The following PDE11A variants were observed in gnomAD, a reference collection of about 807,000 sequenced individuals.
PDE11A encodes the protein phosphodiesterase 11A, also known as dual 3',5'-cyclic-AMP and -GMP phosphodiesterase 11A.
Under a neutral mutation model 100.5 loss-of-function variants are expected in PDE11A, and 100 were observed. That is an observed-to-expected ratio of 1.00 (90% CI 0.85 to 1.18). The LOEUF (loss-of-function observed/expected upper bound fraction) is 1.18, where lower values mean the gene tolerates loss of function less well. Ranked by LOEUF, PDE11A falls within the 50% of genes most tolerant of loss-of-function variation. The probability of loss-of-function intolerance (pLI) is 0.00; values close to 1 mark genes in which losing one functional copy is unlikely to be tolerated. For synonymous variants in PDE11A, 381 were observed against 420.8 expected (o/e 0.91, Z 1.16); for missense variants, 1,141 against 1,152.6 (o/e 0.99, Z 0.15).
Position 177,945,161 on chromosome 2 carries a change from G to C in PDE11A, c.1072-39974C>G, listed in dbSNP as rs1010795348. Among the ~76,000 whole-genome samples, 68 of 151,184 alleles carry C rather than the reference G, an allele frequency of 4.5e-4. 1 individual carries two copies. Among genetic ancestry groups the C allele is most frequent in the African/African-American group, 1.6e-3 (66 of 41,288 alleles). On this transcript the variant is annotated intron_variant, in intron 2 of 19. Transcript: ENST00000286063. ...GGCTGGAGTGCAGTGGCGTGGTCTC[G>C]GCTCACTACAACCTACACCTCCCAG...
At chr2:177,951,960 G>A (rs1290360527) in intron 2 of PDE11A, among the ~76,000 whole-genome samples, 4 of 152,170 alleles carry the variant, frequency 2.6e-5, no homozygotes, top group Admixed American at 6.5e-5. Flanking sequence ...ACAACGTGCA[G>A]GTTTGTTACA....
At chr2:178,047,380 T>C (rs995631641) in intron 1 of PDE11A, among the ~76,000 whole-genome samples, 2 of 151,784 alleles carry the variant, frequency 1.3e-5, no homozygotes, top group Non-Finnish European at 2.9e-5. Flanking sequence ...GGAGAATAGC[T>C]TGAACCCAGG....
At chr2:177,966,566 G>A (rs978879436) in intron 2 of PDE11A, among the ~76,000 whole-genome samples, 1 of 151,870 alleles carries the variant, frequency 6.6e-6, no homozygotes, top group Admixed American at 6.6e-5. Context: ...TTAACATGAA[G>A]AGATGTTCAA....
chr2:177,808,279 G>A (rs1408324441), intron 9 of PDE11A, among the ~76,000 whole-genome samples: 1 of 152,082 alleles, frequency 6.6e-6, no homozygotes, highest in Non-Finnish European at 1.5e-5. Context: ...TTGACAGCTT[G>A]GTATTCCTTG....
chr2:177,834,623 T>A (rs943494890), intron 6 of PDE11A, among the ~76,000 whole-genome samples: 1 of 152,124 alleles, frequency 6.6e-6, no homozygotes, highest in African/African-American at 2.4e-5. Flanking sequence ...ACCCACGCAG[T>A]CTTCCCTTCC....
chr2:177,708,901 G>A (rs16865709), intron 13 of PDE11A, among the ~76,000 whole-genome samples: 13,769 of 152,258 alleles, frequency 0.09, 2,076 homozygotes, highest in African/African-American at 0.31. Flanking sequence ...GGCACAACCA[G>A]GGCATAGGAA....
At chr2:177,900,509 A>G (rs944769696) in intron 3 of PDE11A, among the ~76,000 whole-genome samples, 1 of 152,254 alleles carries the variant, frequency 6.6e-6, no homozygotes, top group Non-Finnish European at 1.5e-5. Context: ...TAATCCCAGC[A>G]CTTTGGGAGG....
chr2:177,776,958 C>T (rs565745145), intron 9 of PDE11A, among the ~76,000 whole-genome samples: 2 of 152,116 alleles, frequency 1.3e-5, no homozygotes, highest in South Asian at 2.1e-4. Flanking sequence ...ATAGTGAGTC[C>T]TCATGAGATC....
intron 17 of PDE11A, among the ~76,000 whole-genome samples, chr2:177,674,854 C>T (rs1426527019): frequency 2.6e-5 from 4 of 152,136 alleles, no homozygotes; most frequent in African/African-American, 4.8e-5. Context: ...ATAAAACGCA[C>T]ATAACGATTA....
chr2:177,993,936 A>ATTT lies in PDE11A; in HGVS notation c.1071+20363_1071+20365dup, dbSNP rs10622468. On this transcript the variant is annotated intron_variant, in intron 2 of 19. Transcript: ENST00000286063. The stretch of plus-strand genomic sequence containing the variant: ...TGAAGATTAGACTCCGCAAATGTAA[A>ATTT]TTTTTTTTTTTTTTTTTGAGGCAGA... Among the ~76,000 whole-genome samples, 795 of 141,010 alleles carry ATTT rather than the reference A, an allele frequency of 5.6e-3. 17 individuals are homozygous for ATTT. Among genetic ancestry groups the ATTT allele is most frequent in the Non-Finnish European group, 7.3e-3 (478 of 65,920 alleles). 92.5% of individuals were successfully genotyped at this position (141,010 alleles called of 152,430 possible).
chr2:177,637,778 G>GCTCTGCTCATTTCT (rs1449802946), intron 19 of PDE11A, among the ~76,000 whole-genome samples: 2 of 150,626 alleles, frequency 1.3e-5, no homozygotes, highest in Non-Finnish European at 3.0e-5. Context: ...CTCAAATGAT[G>GCTCTGCTCATTTCT]CTCTGCTCAT....
intron 1 of PDE11A, among the ~76,000 whole-genome samples, chr2:178,106,525 A>G (rs2087619713): frequency 6.6e-6 from 1 of 152,224 alleles, no homozygotes; most frequent in Non-Finnish European, 1.5e-5. Flanking sequence ...CAGACCATAG[A>G]GGATAAAACT....
intron 10 of PDE11A, among the ~76,000 whole-genome samples, chr2:177,752,370 G>A: frequency 6.6e-6 from 1 of 152,162 alleles, no homozygotes; most frequent in African/African-American, 2.4e-5. Context: ...GATTAGACCT[G>A]GATTTAAATC....
intron 2 of PDE11A, among the ~76,000 whole-genome samples, chr2:177,994,080 A>G (rs368906930): frequency 3.9e-4 from 59 of 151,696 alleles, no homozygotes; most frequent in Middle Eastern, 3.4e-3. Context: ...ACAGGCACCC[A>G]CCACCACATC....
intron 9 of PDE11A, among the ~76,000 whole-genome samples, chr2:177,780,310 T>G (rs887576129): frequency 2.0e-5 from 3 of 152,272 alleles, no homozygotes; most frequent in Middle Eastern, 6.8e-3. Flanking sequence ...GGTCTTGAAA[T>G]CCTGACCTCA....
At chr2:177,819,856 C>T (rs939147033) in intron 7 of PDE11A, among the ~76,000 whole-genome samples, 34 of 73,094 alleles carry the variant, frequency 4.7e-4, no homozygotes, top group Non-Finnish European at 8.8e-4. Context: ...TTCTCTTTCT[C>T]TCTTTCTCTC....
chr2:177,689,929 A>G (rs1240669854), intron 15 of PDE11A, among the ~76,000 whole-genome samples: 1 of 152,116 alleles, frequency 6.6e-6, no homozygotes, highest in Non-Finnish European at 1.5e-5. Context: ...TCCTGCATTC[A>G]CTTCCACACA....
At chr2:178,001,558 T>C (rs551574180) in intron 2 of PDE11A, among the ~76,000 whole-genome samples, 35 of 152,292 alleles carry the variant, frequency 2.3e-4, no homozygotes, top group African/African-American at 7.5e-4. Flanking sequence ...CTATTCAAGA[T>C]ACATGCAGTT....
intron 9 of PDE11A, among the ~76,000 whole-genome samples, chr2:177,807,377 T>G (rs2082887693): frequency 1.3e-5 from 2 of 152,184 alleles, no homozygotes; most frequent in South Asian, 4.1e-4. Context: ...TCTATAACAA[T>G]TGCATTGTTC....
Sources: allele counts gnomAD v4.1 joint callset (sites outside exome capture counted in the v4.1 genomes callset), GRCh38; gene constraint gnomAD v4.1.1; transcripts MANE v1.5; gene names NCBI Gene and HGNC (gene_info 2026-07-23, HGNC 2026-07-21).